GRIK4: variants seen among roughly 807,000 people sequenced by gnomAD.
The protein encoded by GRIK4 is glutamate ionotropic receptor kainate type subunit 4.
GRIK4 carries 40 observed loss-of-function variants against 104.9 expected under a neutral mutation model. The observed-to-expected ratio is 0.38, with a 90% CI of 0.30 to 0.50. The LOEUF (loss-of-function observed/expected upper bound fraction) is 0.50. GRIK4 is among the 20% of genes least tolerant of loss of function. The pLI is 0.93. For missense variants in GRIK4, 1,047 were observed against 1,308.1 expected (o/e 0.80, Z 3.08); for synonymous variants, 485 against 524.9 (o/e 0.92, Z 1.04).
rs555738484 is a variant in GRIK4 at position 120,739,386 on chromosome 11, G to C, written c.83-63307G>C. On this transcript the variant is annotated intron_variant, in intron 3 of 20. Coordinates refer to ENST00000527524, the MANE Select transcript of GRIK4 (RefSeq NM_014619.5). The stretch of plus-strand genomic sequence containing the variant: ...GGCTCTGCCTGCTTTGCTGCCCTCT[G>C]TGTCAGAAACTCAAGAGACATTCCC... Among the ~76,000 whole-genome samples the C allele has an allele frequency of 1.4e-3, 219 of 152,316 alleles. 2 individuals carry two copies. Among genetic ancestry groups the C allele is most frequent in the African/African-American group, 5.0e-3 (209 of 41,570 alleles).
At chr11:120,965,472 G>A (rs781043853) in intron 18 of GRIK4, among the ~76,000 whole-genome samples, 1 of 152,034 alleles carries the variant, frequency 6.6e-6, no homozygotes, top group Non-Finnish European at 1.5e-5. Flanking sequence ...ACTTGCACAC[G>A]TTCAGTGCTG....
At chr11:120,667,196 G>A (rs779919815) in intron 3 of GRIK4, among the ~76,000 whole-genome samples, 3 of 152,172 alleles carry the variant, frequency 2.0e-5, no homozygotes, top group Non-Finnish European at 4.4e-5. Flanking sequence ...CATTATCATT[G>A]TGTCCTCATT....
intron 3 of GRIK4, among the ~76,000 whole-genome samples, chr11:120,720,246 CA>C (rs1950906623): frequency 6.6e-6 from 1 of 152,192 alleles, no homozygotes; most frequent in South Asian, 2.1e-4. Context: ...GTCACAGTCA[CA>C]GCGTATTAAG....
chr11:120,874,343 T>C (rs1207721572), intron 10 of GRIK4, 125 bp downstream of exon 10: 1 of 731,348 alleles, frequency 1.4e-6, no homozygotes, highest in Non-Finnish European at 2.2e-6. Context: ...CAGCCCCAGA[T>C]AAATCAGTGA....
At chr11:120,961,679 CTGAT>C (rs571067104) in intron 17 of GRIK4, among the ~76,000 whole-genome samples, 18 of 152,346 alleles carry the variant, frequency 1.2e-4, no homozygotes, top group Middle Eastern at 3.4e-3. Context: ...GTCAAGCAAA[CTGAT>C]TGATCGCCAA....
At chr11:120,888,078 C>A (rs991872408) in intron 11 of GRIK4, among the ~76,000 whole-genome samples, 2 of 152,158 alleles carry the variant, frequency 1.3e-5, no homozygotes, top group African/African-American at 4.8e-5. Flanking sequence ...TACGTATCCT[C>A]TTCTAAATAT....
intron 19 of GRIK4, among the ~76,000 whole-genome samples, chr11:120,974,733 G>C (rs752592886): frequency 6.6e-6 from 1 of 152,112 alleles, no homozygotes; most frequent in Non-Finnish European, 1.5e-5. Context: ...CGCCCCCTCT[G>C]ACTCTCCCTG....
At chr11:120,675,368 G>T (rs1198205438) in intron 3 of GRIK4, among the ~76,000 whole-genome samples, 1 of 152,112 alleles carries the variant, frequency 6.6e-6, no homozygotes, top group South Asian at 2.1e-4. Flanking sequence ...GCCTAGTCTG[G>T]CCTGGATCCA....
chr11:120,675,600 C>G (rs1024886031), intron 3 of GRIK4, among the ~76,000 whole-genome samples: 1 of 152,088 alleles, frequency 6.6e-6, no homozygotes, highest in Non-Finnish European at 1.5e-5. Context: ...GTAGTTTGCT[C>G]AAGCAACTGG....
chr11:120,728,349 A>G (rs1407971467), intron 3 of GRIK4, among the ~76,000 whole-genome samples: 1 of 152,206 alleles, frequency 6.6e-6, no homozygotes, highest in Non-Finnish European at 1.5e-5. Context: ...TGAAGAACAC[A>G]CACTTATATT....
chr11:120,519,885 TTTTTTTG>T, intron 1 of GRIK4, among the ~76,000 whole-genome samples: 1 of 148,856 alleles, frequency 6.7e-6, no homozygotes, highest in East Asian at 2.0e-4. Context: ...TTTTTGTTTT[TTTTTTTG>T]TTGTTGTTGT....
rs1944403435 is a variant in GRIK4, at chr11:120,967,414, G to T, written c.2395+91G>T. On this transcript the variant is annotated intron_variant, in intron 19 of 20. Coordinates refer to ENST00000527524, the MANE Select transcript of GRIK4 (RefSeq NM_014619.5). This position sits in a 1 kb window ranked among gnomAD's most constrained non-coding sequence, Gnocchi z 4.2. ...AAATTCCAGGTACACATAATGACTT[G>T]TAGGACCCATTGAGAACGGCCTTGG... 1 of 1,392,254 alleles carries T rather than the reference G, an allele frequency of 7.2e-7. No homozygotes were observed. Among genetic ancestry groups the T allele is most frequent in the Non-Finnish European group, 9.8e-7 (1 of 1,023,388 alleles). 86.2% of individuals were successfully genotyped at this position (1,392,254 alleles called of 1,614,324 possible). A position where few individuals can be genotyped will look rare whatever the true frequency, so the allele number is the denominator to read the frequency against.
At chr11:120,836,947 A>T in intron 8 of GRIK4, 103 bp downstream of exon 8, 1 of 752,486 alleles carries the variant, frequency 1.3e-6, no homozygotes, top group Non-Finnish European at 2.3e-6. Context: ...AGTACAGGAG[A>T]TAGAAGCAGA....
intron 6 of GRIK4, among the ~76,000 whole-genome samples, chr11:120,831,573 C>T (rs1349565178): frequency 3.9e-5 from 6 of 152,164 alleles, no homozygotes; most frequent in African/African-American, 1.4e-4. Context: ...TCTTATTCCA[C>T]CCAAGGGAGC....
intron 11 of GRIK4, among the ~76,000 whole-genome samples, chr11:120,880,091 CA>C (rs796961375): frequency 4.6e-5 from 7 of 152,318 alleles, no homozygotes; most frequent in African/African-American, 1.4e-4. Flanking sequence ...GTTAAAGATG[CA>C]GATCTAAACT....
In GRIK4 at chr11:120,819,726, C is replaced by T. The variant is rs375722327; in HGVS notation, c.346-29C>T. On this transcript the variant is annotated intron_variant, in intron 5 of 20. Coordinates refer to ENST00000527524, the MANE Select transcript of GRIK4 (RefSeq NM_014619.5). This position sits in a 1 kb window ranked among gnomAD's most constrained non-coding sequence, Gnocchi z 4.3. The stretch of plus-strand genomic sequence containing the variant: ...TCCTTTTCACCCACCTGGATCCTCC[C>T]TGCTGTCCGTTTTTGCTCCTCTTGC... The T allele has an allele frequency of 8.7e-6, 14 of 1,611,932 alleles. No individual in the cohort carries two copies. Among genetic ancestry groups the T allele is most frequent in the African/African-American group, 2.7e-5 (2 of 74,914 alleles).
chr11:120,779,160 C>A (rs1952099501), intron 3 of GRIK4, among the ~76,000 whole-genome samples: 1 of 152,184 alleles, frequency 6.6e-6, no homozygotes, highest in Non-Finnish European at 1.5e-5. Context: ...TGAGAAGTCA[C>A]ATGGAGGTGT....
intron 3 of GRIK4, among the ~76,000 whole-genome samples, chr11:120,723,261 T>C (rs771249782): frequency 6.6e-6 from 1 of 152,196 alleles, no homozygotes; most frequent in Non-Finnish European, 1.5e-5. Context: ...TATAAGTGTG[T>C]GTTCTTCACA....
chr11:120,584,570 AACTC>A (rs1948633426), intron 1 of GRIK4, among the ~76,000 whole-genome samples: 1 of 152,158 alleles, frequency 6.6e-6, no homozygotes. Context: ...ATCTCATGAG[AACTC>A]ACTATTGTGA....
Sources: gnomAD v4.1 joint callset for allele counts (sites outside exome capture counted in the v4.1 genomes callset) on GRCh38, gnomAD v4.1.1 for gene constraint, Gnocchi (gnomAD v3.1) non-coding constraint, MANE v1.5 for transcripts, NCBI Gene and HGNC (gene_info 2026-07-23, HGNC 2026-07-21) for gene names.